EVA1A: variants seen among roughly 807,000 people sequenced by gnomAD.
EVA1A encodes the protein protein eva-1 homolog A.
A neutral mutation model predicts 9.8 loss-of-function variants in EVA1A; 7 were observed. The observed-to-expected ratio is 0.71, with a 90% CI of 0.41 to 1.34. EVA1A has a LOEUF of 1.34. EVA1A is among the 40% of genes most tolerant of loss of function. The pLI is 0.01. For synonymous variants in EVA1A, 90 were observed against 85.6 expected (o/e 1.05, Z -0.28); for missense variants, 206 against 205.9 (o/e 1.00, Z 0.00).
At chr2:75,504,178 C>A (rs143040125) in intron 3 of EVA1A, among the ~76,000 whole-genome samples, 1 of 151,934 alleles carries the variant, frequency 6.6e-6, no homozygotes, top group Non-Finnish European at 1.5e-5. Context: ...TTTGGGAGGT[C>A]GAGGTGGGCA....
chr2:75,517,778 G>A (rs369937995), intron 3 of EVA1A: 2 of 718,044 alleles, frequency 2.8e-6, no homozygotes, highest in East Asian at 2.7e-5. Flanking sequence ...AGTGACAGAA[G>A]CCAACAGTAG....
intron 1 of EVA1A, among the ~76,000 whole-genome samples, chr2:75,554,516 T>C (rs1417752225): frequency 6.6e-6 from 1 of 152,218 alleles, no homozygotes; most frequent in Non-Finnish European, 1.5e-5. Flanking sequence ...CACCTTCTTT[T>C]TCGAAAGCAG....
At chr2:75,556,162 G>A (rs1378401489) in intron 1 of EVA1A, among the ~76,000 whole-genome samples, 2 of 152,180 alleles carry the variant, frequency 1.3e-5, no homozygotes, top group Admixed American at 6.5e-5. Context: ...AATACCTCAA[G>A]GTTCTGCCAC....
chr2:75,505,812 A>G (rs79277364), intron 3 of EVA1A, among the ~76,000 whole-genome samples: 26 of 149,624 alleles, frequency 1.7e-4, no homozygotes, highest in Non-Finnish European at 3.1e-4. Context: ...TCTGTCTCAG[A>G]AAAAAAAAAG....
At chr2:75,552,685 CCTGT>C (rs1372653880) in intron 1 of EVA1A, among the ~76,000 whole-genome samples, 1 of 152,076 alleles carries the variant, frequency 6.6e-6, no homozygotes, top group Non-Finnish European at 1.5e-5. Flanking sequence ...TGTATGTAAC[CCTGT>C]CTACCATGCA....
chr2:75,493,993 A>G (rs1412258328), intron 3 of EVA1A, among the ~76,000 whole-genome samples: 3 of 152,146 alleles, frequency 2.0e-5, no homozygotes, highest in Non-Finnish European at 4.4e-5. Flanking sequence ...TTACTTGAGA[A>G]TTTGCTCATA....
chr2:75,494,910 C>T (rs200395199), intron 3 of EVA1A, among the ~76,000 whole-genome samples: 5 of 152,168 alleles, frequency 3.3e-5, no homozygotes, highest in East Asian at 1.9e-4. Context: ...AGATAACAGT[C>T]ATTCTGTTAA....
chr2:75,545,674 A>C (rs897773738), intron 1 of EVA1A, among the ~76,000 whole-genome samples: 7 of 138,646 alleles, frequency 5.0e-5, no homozygotes, highest in Non-Finnish European at 1.1e-4. Context: ...GGAGGGCAGA[A>C]GCAAAGCACA....
chr2:75,507,548 C>G (rs796835848), intron 3 of EVA1A, among the ~76,000 whole-genome samples: 4 of 152,156 alleles, frequency 2.6e-5, no homozygotes, highest in African/African-American at 7.2e-5. Context: ...AGCCTCCTCC[C>G]TAGTGAAAAT....
At chr2:75,516,622 C>A (rs1675013780) in intron 3 of EVA1A, among the ~76,000 whole-genome samples, 1 of 152,172 alleles carries the variant, frequency 6.6e-6, no homozygotes, top group Admixed American at 6.5e-5. Flanking sequence ...TGGAAAATTG[C>A]CAGGTACCTC....
intron 2 of EVA1A, among the ~76,000 whole-genome samples, chr2:75,520,846 G>T: frequency 6.6e-6 from 1 of 151,962 alleles, no homozygotes; most frequent in East Asian, 1.9e-4. Context: ...AAAAAGAAAA[G>T]GACTCTATGA....
chr2:75,561,957 G>A (rs1241990737), upstream of EVA1A, among the ~76,000 whole-genome samples: 1 of 152,212 alleles, frequency 6.6e-6, no homozygotes, highest in Non-Finnish European at 1.5e-5. Flanking sequence ...AGAGTAGCCA[G>A]TGACCACGTG....
chr2:75,517,663 C>T, intron 3 of EVA1A: 3 of 627,372 alleles, frequency 4.8e-6, no homozygotes, highest in Non-Finnish European at 8.6e-6. Flanking sequence ...ACTCTCTCTC[C>T]CACACACACA....
In EVA1A at chr2:75,493,190, C is replaced by T. The variant is rs762794728; in HGVS notation, c.*46G>A. The stretch of plus-strand genomic sequence containing the variant: ...TGTGCCCACTGTCCCTGCAGACGCT[C>T]TCCTTTCCAGGCGGCCTCCAGTGGT... On this transcript the variant is annotated 3_prime_UTR_variant, in exon 4 of 4. Transcript: ENST00000393913. 3.2e-6 allele frequency: 5 copies of T among 1,564,734 alleles called. No individual in the cohort carries two copies. In the African/African-American group the frequency reaches 4.1e-5, roughly 13 times the overall value.
At chr2:75,542,130 G>C (rs749193863) in intron 1 of EVA1A, 2 of 153,356 alleles carry the variant, frequency 1.3e-5, no homozygotes, top group Non-Finnish European at 1.4e-5. Flanking sequence ...CTCTTTGCCT[G>C]CTGCCATCCA....
chr2:75,504,609 T>C (rs1230547892), intron 3 of EVA1A, among the ~76,000 whole-genome samples: 2 of 152,182 alleles, frequency 1.3e-5, no homozygotes, highest in East Asian at 1.9e-4. Context: ...CTGGCTCTGA[T>C]GTGTGCTCCT....
intron 3 of EVA1A, among the ~76,000 whole-genome samples, chr2:75,500,410 C>T (rs1264558574): frequency 6.6e-6 from 1 of 152,078 alleles, no homozygotes; most frequent in East Asian, 1.9e-4. Context: ...TTTATGTGAA[C>T]AAAGTTTCCC....
chr2:75,517,030 C>A (rs1488158405), intron 3 of EVA1A, among the ~76,000 whole-genome samples: 1 of 152,138 alleles, frequency 6.6e-6, no homozygotes, highest in Non-Finnish European at 1.5e-5. Flanking sequence ...CACAAGCAGA[C>A]TACATGCTGC....
chr2:75,555,574 T>C (rs1475956336), intron 1 of EVA1A, among the ~76,000 whole-genome samples: 1 of 152,080 alleles, frequency 6.6e-6, no homozygotes, highest in Non-Finnish European at 1.5e-5. Flanking sequence ...CTAGAGACAG[T>C]GTCTCTCCCT....
Sources: allele counts gnomAD v4.1 joint callset (sites outside exome capture counted in the v4.1 genomes callset), GRCh38; gene constraint gnomAD v4.1.1; transcripts MANE v1.5; gene names NCBI Gene and HGNC (gene_info 2026-07-23, HGNC 2026-07-21).